HABP4: variants seen among roughly 807,000 people sequenced by gnomAD.
HABP4 encodes intracellular hyaluronan-binding protein 4.
Under a neutral mutation model 44.1 loss-of-function variants are expected in HABP4, and 32 were observed. The observed-to-expected ratio is 0.73, with a 90% CI of 0.55 to 0.97. HABP4 has a LOEUF of 0.97. Among genes scored for constraint, HABP4 ranks in the 50% least tolerant of loss-of-function variants. The pLI, the probability that HABP4 is intolerant of heterozygous loss-of-function variation, is 0.00. For synonymous variants in HABP4, 216 were observed against 218.0 expected, an observed-to-expected ratio of 0.99 and a Z score of 0.08; for missense variants, 503 against 561.9, an observed-to-expected ratio of 0.90 and a Z score of 1.06.
chr9:96,465,782 C>A lies in HABP4; in HGVS notation c.743+4C>A. ...GGGGATCGGGTAAAGATACCAGGTACGGTGTAAGTGTGTGCCCTCTGAGAA... is the reference window on the plus strand; with the variant it reads ...GGGGATCGGGTAAAGATACCAGGTAAGGTGTAAGTGTGTGCCCTCTGAGAA... On this transcript the variant is annotated splice_donor_region_variant and intron_variant, in intron 4 of 7. Transcript: ENST00000375249. 2 of 1,510,882 alleles carry A rather than the reference C, an allele frequency of 1.3e-6. No individual in the cohort carries two copies. The highest frequency in any genetic ancestry group is 1.8e-6 in the Non-Finnish European group (2 of 1,085,740). 93.6% of individuals were successfully genotyped at this position (1,510,882 alleles called of 1,614,324 possible). A position where few individuals can be genotyped will look rare whatever the true frequency, so the allele number is the denominator to read the frequency against.
At chr9:96,464,145 G>C (rs182677786) in intron 2 of HABP4, among the ~76,000 whole-genome samples, 4 of 152,130 alleles carry the variant, frequency 2.6e-5, no homozygotes, top group Non-Finnish European at 5.9e-5. Context: ...GCTCTCGCTC[G>C]TATTGTGAGT....
At position 96,465,444 on chromosome 9, in the gene HABP4, C is replaced by G; in HGVS notation, c.620C>G (p.Ala207Gly). 6.2e-7 allele frequency: 1 copy of G among 1,612,570 alleles called. No homozygotes were observed. Among genetic ancestry groups the G allele is most frequent in the Non-Finnish European group, 8.5e-7 (1 of 1,178,568 alleles). The change falls in exon 3 of 8, where the codon GCT becomes GGT. Residue 207 changes from alanine (A) to glycine (G), a missense_variant. Coordinates refer to ENST00000375249, the MANE Select transcript of HABP4 (RefSeq NM_014282.4). ...RGGPGNRVFD[A>G]FDQRGKREFE... The stretch of plus-strand genomic sequence containing the variant: ...GGCCCTGGGAACAGAGTTTTTGACG[C>G]TTTTGACCAGAGAGGAAAGCGAGAA...
rs1833024362 is a variant in HABP4, at chr9:96,488,870, T to C, written c.1185+596T>C. On this transcript the variant is annotated intron_variant, in intron 7 of 7. Coordinates refer to ENST00000375249, the MANE Select transcript of HABP4 (RefSeq NM_014282.4). The surrounding 1 kb of genome is among the most constrained non-coding windows in gnomAD (Gnocchi z 4.6). ...ATCAAGGTCTCGGAGCAAAGGAGTT[T>C]CTTTTCATTGAAGCCTGATCTCCGT... is the stretch of plus-strand genomic sequence containing the variant. Among the ~76,000 whole-genome samples, 1 of 152,218 alleles carries C rather than the reference T, an allele frequency of 6.6e-6. No individual in the cohort carries two copies. Among genetic ancestry groups the C allele is most frequent in the Non-Finnish European group, 1.5e-5 (1 of 68,036 alleles).
Position 96,467,192 on chromosome 9 carries a change from G to A in HABP4, c.743+1414G>A, listed in dbSNP as rs531114682. 8.5e-5 allele frequency among the ~76,000 whole-genome samples: 13 copies of A among 152,104 alleles called. No individual in the cohort carries two copies. In the South Asian group the frequency reaches 2.5e-3, roughly 29 times the overall value. On this transcript the variant is annotated intron_variant, in intron 4 of 7. Coordinates refer to ENST00000375249, the MANE Select transcript of HABP4 (RefSeq NM_014282.4). ...CCTGCCTTGGCCTCCCAAAGTGCTG[G>A]GATTACAGGCATGAGCCACTGTGCC...
intron 5 of HABP4, among the ~76,000 whole-genome samples, chr9:96,480,199 A>G (rs1184341568): frequency 1.3e-5 from 2 of 151,970 alleles, no homozygotes; most frequent in East Asian, 1.9e-4. Flanking sequence ...CAAAAAAACT[A>G]TCTATCTCTA....
chr9:96,481,599 G>A (rs1832881315), intron 5 of HABP4, among the ~76,000 whole-genome samples: 1 of 151,948 alleles, frequency 6.6e-6, no homozygotes, highest in Non-Finnish European at 1.5e-5. Flanking sequence ...GTAAAAATTA[G>A]CTGGGCCTGA....
chr9:96,475,103 G>A (rs541974830), intron 5 of HABP4, among the ~76,000 whole-genome samples: 5 of 152,212 alleles, frequency 3.3e-5, no homozygotes, highest in East Asian at 1.9e-4. Flanking sequence ...TTGGCCAGGC[G>A]CGGTGGCTCA....
At chr9:96,469,825 T>G (rs1392722952) in intron 4 of HABP4, among the ~76,000 whole-genome samples, 2 of 152,160 alleles carry the variant, frequency 1.3e-5, no homozygotes. Context: ...CCGGATGATT[T>G]ACTTTCAACA....
rs934850014 is a variant in HABP4 at position 96,490,395 on chromosome 9, G to A, written c.*357G>A. On this transcript the variant is annotated 3_prime_UTR_variant, in exon 8 of 8. Coordinates refer to ENST00000375249, the MANE Select transcript of HABP4 (RefSeq NM_014282.4). ...GACTCTTAGGAAGCAGTAGATTCCC[G>A]GGGGCTGTGCCTTTAGCGTTAGAGG... 7.0e-5 allele frequency: 14 copies of A among 198,674 alleles called. No individual in the cohort carries two copies. Among genetic ancestry groups the A allele is most frequent in the African/African-American group, 2.3e-4 (10 of 43,254 alleles). The allele number at this position is 198,674 out of a possible 1,614,324, so 12.3% of individuals were successfully genotyped here. A position where few individuals can be genotyped will look rare whatever the true frequency, so the allele number is the denominator to read the frequency against.
chr9:96,458,280 AT>A (rs1385601082), intron 1 of HABP4, 98 bp from the exon 2 acceptor site: 1 of 1,244,226 alleles, frequency 8.0e-7, no homozygotes, highest in African/African-American at 1.5e-5. Flanking sequence ...TATGACGTTG[AT>A]TTCTAGAAAA....
Position 96,470,592 on chromosome 9 carries a change from T to TA in HABP4, c.744-410dup, listed in dbSNP as rs202243050. Among the ~76,000 whole-genome samples the TA allele has an allele frequency of 5.0e-3, 753 of 151,516 alleles. 4 individuals are homozygous for TA. The highest frequency in any genetic ancestry group is 6.8e-3 in the Middle Eastern group (2 of 292). On this transcript the variant is annotated intron_variant, in intron 4 of 7. Coordinates refer to ENST00000375249, the MANE Select transcript of HABP4 (RefSeq NM_014282.4). ...TTGTAGTTCAATTTGTGGTTACTTT[T>TA]AAAAAAAAACTTACTTTAAAGCCCT...
chr9:96,459,709 A>T (rs528802569), intron 2 of HABP4, among the ~76,000 whole-genome samples: 1 of 152,248 alleles, frequency 6.6e-6, no homozygotes, highest in South Asian at 2.1e-4. Context: ...TAACCAAAAA[A>T]TGTGGCTTTG....
intron 4 of HABP4, among the ~76,000 whole-genome samples, chr9:96,470,632 C>T (rs1037655252): frequency 1.3e-5 from 2 of 151,968 alleles, no homozygotes; most frequent in Admixed American, 6.6e-5. Flanking sequence ...AGGCCAGGCA[C>T]AGCAGCTCGT....
At chr9:96,483,700 T>C (rs545020345) in intron 5 of HABP4, 52 of 152,388 alleles carry the variant, frequency 3.4e-4, no homozygotes, top group African/African-American at 1.2e-3. Flanking sequence ...GTTCAATGTA[T>C]GTACTTTTGT....
rs1832263537 is a variant in HABP4, at chr9:96,450,908, T to C, written c.349+280T>C. The stretch of plus-strand genomic sequence containing the variant: ...AGTTGGACGAAGTTGAGGGAGGTTG[T>C]CTGGGTGGCGTGTGGGGGCGAACGG... On this transcript the variant is annotated intron_variant, in intron 1 of 7. Coordinates refer to ENST00000375249, the MANE Select transcript of HABP4 (RefSeq NM_014282.4). This position sits in a 1 kb window ranked among gnomAD's most constrained non-coding sequence, Gnocchi z 4.8. Among the ~76,000 whole-genome samples the C allele has an allele frequency of 6.6e-6, 1 of 152,092 alleles. No homozygotes were observed. The highest frequency in any genetic ancestry group is 1.5e-5 in the Non-Finnish European group (1 of 68,002).
intron 5 of HABP4, among the ~76,000 whole-genome samples, chr9:96,471,299 C>T (rs143324160): frequency 7.0e-4 from 107 of 152,238 alleles, no homozygotes; most frequent in African/African-American, 2.5e-3. Flanking sequence ...TGCGCCACCA[C>T]GCCCAGCTAA....
chr9:96,490,745 C>G lies in HABP4; in HGVS notation c.*707C>G, dbSNP rs1833078120. ...AATATTAAGTATGTGACTTCAAAAA[C>G]CATGTTATTTAACCTGCCAATCAAA... On this transcript the variant is annotated 3_prime_UTR_variant, in exon 8 of 8. Coordinates refer to ENST00000375249, the MANE Select transcript of HABP4 (RefSeq NM_014282.4). 6.6e-6 allele frequency: 1 copy of G among 152,134 alleles called. No homozygotes were observed. The highest frequency in any genetic ancestry group is 1.5e-5 in the Non-Finnish European group (1 of 68,020). 9.4% of individuals were successfully genotyped at this position (152,134 alleles called of 1,614,324 possible). A position where few individuals can be genotyped will look rare whatever the true frequency, so the allele number is the denominator to read the frequency against.
intron 5 of HABP4, among the ~76,000 whole-genome samples, chr9:96,476,912 G>A (rs1367489204): frequency 6.6e-6 from 1 of 152,236 alleles, no homozygotes; most frequent in Non-Finnish European, 1.5e-5. Flanking sequence ...TCTTGAATGA[G>A]GTGCATTCCA....
intron 2 of HABP4, among the ~76,000 whole-genome samples, chr9:96,464,918 A>G (rs1340344924): frequency 6.6e-6 from 1 of 152,208 alleles, no homozygotes; most frequent in Non-Finnish European, 1.5e-5. Flanking sequence ...ATTTGGTATT[A>G]GAACAGGAAT....
Sources: gnomAD v4.1 joint callset for allele counts (sites outside exome capture counted in the v4.1 genomes callset) on GRCh38, gnomAD v4.1.1 for gene constraint, Gnocchi (gnomAD v3.1) non-coding constraint, MANE v1.5 for transcripts, NCBI Gene and HGNC (gene_info 2026-07-23, HGNC 2026-07-21) for gene names.